Variants in GLRA2 observed in about 807,000 individuals in gnomAD.
GLRA2 encodes the protein glycine receptor alpha 2, also known as glycine receptor subunit alpha-2.
In GLRA2, 11 loss-of-function variants were observed where a neutral mutation model predicts 31.6. The observed-to-expected ratio is 0.35, with a 90% CI of 0.22 to 0.58. The LOEUF is 0.58. Among genes scored for constraint, GLRA2 ranks in the 20% least tolerant of loss-of-function variants. GLRA2 has a pLI of 0.84. For synonymous variants in GLRA2, 132 were observed against 134.0 expected, an observed-to-expected ratio of 0.99 and a Z score of 0.10; for missense variants, 212 against 351.8, an observed-to-expected ratio of 0.60 and a Z score of 3.18.
Position 14,550,905 on chromosome X carries a change from C to T in GLRA2, c.202+18533C>T, listed in dbSNP as rs773701129. On this transcript the variant is annotated intron_variant, in intron 2 of 8. Transcript: ENST00000218075. ...TCACTTCTTAGCCAGTGCTTTATTC[C>T]TCACTGCACCCATGCGTATATTTCA... Among the ~76,000 whole-genome samples, 11 of 111,803 alleles carry T rather than the reference C, an allele frequency of 9.8e-5. No individual in the cohort carries two copies. In the East Asian group the frequency reaches 2.3e-3, roughly 23 times the overall value.
At chrX:14,473,910 A>T in the GLRA2 span, among the ~76,000 whole-genome samples, 21 of 112,002 alleles carry the variant, frequency 1.9e-4, no homozygotes, top group East Asian at 3.9e-3. Context: ...AGTGGGGGGA[A>T]ATTGACGTGA....
At chrX:14,707,564 CCCACCCT>C (rs1170726515) in intron 8 of GLRA2, among the ~76,000 whole-genome samples, 13 of 67,838 alleles carry the variant, frequency 1.9e-4, no homozygotes, top group East Asian at 6.2e-4. Context: ...TAACCCACCC[CCCACCCT>C]CCACCCTCTA....
chrX:14,712,611 G>T (rs2091728245), intron 8 of GLRA2, among the ~76,000 whole-genome samples: 1 of 106,918 alleles, frequency 9.4e-6, no homozygotes, highest in African/African-American at 3.4e-5. Context: ...TGAAGACAAA[G>T]ACATTAAAAG....
At chrX:14,668,609 G>A (rs892262086) in intron 7 of GLRA2, among the ~76,000 whole-genome samples, 3 of 112,505 alleles carry the variant, frequency 2.7e-5, no homozygotes, top group Non-Finnish European at 5.6e-5. Flanking sequence ...TCACAGCCAT[G>A]GCAGAAGATG....
chrX:14,614,582 C>G (rs1462562018), intron 7 of GLRA2, among the ~76,000 whole-genome samples: 1 of 111,902 alleles, frequency 8.9e-6, no homozygotes, highest in African/African-American at 3.2e-5. Flanking sequence ...GATAGAAATG[C>G]AACTTAACCA....
chrX:14,584,027 C>T (rs985914809), intron 4 of GLRA2, among the ~76,000 whole-genome samples: 22 of 110,821 alleles, frequency 2.0e-4, no homozygotes, highest in Non-Finnish European at 4.2e-4. Flanking sequence ...AAGAAGGGAA[C>T]AACAGACACT....
chrX:14,454,189 CACACACACA>C, the GLRA2 span, among the ~76,000 whole-genome samples: 271 of 48,773 alleles, frequency 5.6e-3, no homozygotes, highest in African/African-American at 0.011. Context: ...CCCACACACC[CACACACACA>C]CACACACACA....
chrX:14,655,637 TTTTGGATTTG>T (rs1399094006), intron 7 of GLRA2, among the ~76,000 whole-genome samples: 1 of 111,741 alleles, frequency 8.9e-6, no homozygotes, highest in Non-Finnish European at 1.9e-5. Flanking sequence ...GCAGCTGCAC[TTTTGGATTTG>T]TTCCATTCTC....
At chrX:14,616,974 G>GA (rs1480954964) in intron 7 of GLRA2, among the ~76,000 whole-genome samples, 1 of 111,376 alleles carries the variant, frequency 9.0e-6, no homozygotes, top group African/African-American at 3.3e-5. Context: ...GTGAGTGTGT[G>GA]AAAAAAATAT....
intron 7 of GLRA2, among the ~76,000 whole-genome samples, chrX:14,648,942 G>A (rs1053314119): frequency 1.8e-5 from 2 of 111,874 alleles, no homozygotes; most frequent in African/African-American, 3.2e-5. Flanking sequence ...ATGGCTGGGC[G>A]CAGTGGCTCA....
the GLRA2 span, among the ~76,000 whole-genome samples, chrX:14,479,764 C>T: frequency 9.0e-6 from 1 of 111,677 alleles, no homozygotes; most frequent in East Asian, 2.8e-4. Context: ...TCTCTTTATC[C>T]AGTCCACTAT....
rs147846627 is a variant in GLRA2 at position 14,555,366 on chromosome X, A to G, written c.203-18967A>G. On this transcript the variant is annotated intron_variant, in intron 2 of 8. Transcript: ENST00000218075. ...TTATAAGATGAGGAAATGGGAGCCC[A>G]GAGTAATTAAGTAGCCTACATAGGG... Among the ~76,000 whole-genome samples, 559 of 112,077 alleles carry G rather than the reference A, an allele frequency of 5.0e-3. 5 individuals carry two copies. The highest frequency in any genetic ancestry group is 0.017 in the African/African-American group (529 of 30,920).
rs183889454 is a variant in GLRA2, at chrX:14,726,341, T to C, written c.1081-3866T>C. On this transcript the variant is annotated intron_variant, in intron 8 of 8. Transcript: ENST00000218075. The stretch of plus-strand genomic sequence containing the variant: ...CTCCTTTGATGTGAATACCATAAAG[T>C]TCTATATTTAAAAGGCATTGAATGC... Among the ~76,000 whole-genome samples the C allele has an allele frequency of 1.9e-3, 212 of 112,318 alleles. 2 individuals carry two copies. Among genetic ancestry groups the C allele is most frequent in the Non-Finnish European group, 2.7e-3 (146 of 53,237 alleles).
At chrX:14,614,771 T>G (rs2090437304) in intron 7 of GLRA2, among the ~76,000 whole-genome samples, 1 of 112,004 alleles carries the variant, frequency 8.9e-6, no homozygotes, top group African/African-American at 3.2e-5. Flanking sequence ...TGTTGGAATT[T>G]CAGCAGCTTA....
intron 7 of GLRA2, among the ~76,000 whole-genome samples, chrX:14,632,894 A>C (rs58796959): frequency 0.028 from 3,154 of 111,851 alleles, 114 homozygotes; most frequent in African/African-American, 0.096. Flanking sequence ...TTTCTTCCCC[A>C]TGAGGAATTT....
chrX:14,534,689 T>C (rs1210190213), intron 2 of GLRA2, among the ~76,000 whole-genome samples: 1 of 109,736 alleles, frequency 9.1e-6, no homozygotes, highest in Non-Finnish European at 1.9e-5. Context: ...GTGATCCTTT[T>C]CTCCAGGATA....
At chrX:14,557,336 T>C (rs1021397446) in intron 2 of GLRA2, among the ~76,000 whole-genome samples, 46 of 109,774 alleles carry the variant, frequency 4.2e-4, no homozygotes, top group Non-Finnish European at 6.5e-4. Flanking sequence ...AGGGTGGTCT[T>C]GATCTCCTGA....
At chrX:14,462,874 GT>G in the GLRA2 span, among the ~76,000 whole-genome samples, 1 of 111,535 alleles carries the variant, frequency 9.0e-6, no homozygotes, top group African/African-American at 3.3e-5. Flanking sequence ...TCTCTGTCCA[GT>G]TTTTTTCCTT....
intron 2 of GLRA2, among the ~76,000 whole-genome samples, chrX:14,561,271 TC>T (rs2089730386): frequency 1.8e-5 from 2 of 112,161 alleles, no homozygotes; most frequent in Non-Finnish European, 3.8e-5. Flanking sequence ...CTACAGGCAG[TC>T]CCTATGCTCT....
Sources: allele counts gnomAD v4.1 joint callset (sites outside exome capture counted in the v4.1 genomes callset), GRCh38; gene constraint gnomAD v4.1.1; transcripts MANE v1.5; gene names NCBI Gene and HGNC (gene_info 2026-07-23, HGNC 2026-07-21).